LRRC3B: variants seen among roughly 807,000 people sequenced by gnomAD.
LRRC3B encodes leucine-rich repeat-containing protein 3B.
Under a neutral mutation model 12.8 loss-of-function variants are expected in LRRC3B, and 2 were observed. The ratio of observed to expected loss-of-function variants is 0.16; its 90% CI spans 0.06 to 0.49. The LOEUF (loss-of-function observed/expected upper bound fraction) is 0.49. Ranked by LOEUF, LRRC3B falls within the 20% of genes least tolerant of loss-of-function variation. LRRC3B has a pLI of 0.96. For missense variants in LRRC3B, 189 were observed against 319.4 expected, an observed-to-expected ratio of 0.59 and a Z score of 3.11; for synonymous variants, 132 against 122.0, an observed-to-expected ratio of 1.08 and a Z score of -0.54.
At chr3:26,657,761 A>C (rs1699405504) in intron 1 of LRRC3B, among the ~76,000 whole-genome samples, 1 of 151,810 alleles carries the variant, frequency 6.6e-6, no homozygotes, top group African/African-American at 2.4e-5. Flanking sequence ...CAGAGGGATG[A>C]TTGTCTGGCT....
In LRRC3B at chr3:26,675,425, C is replaced by T. The variant is rs571986214; in HGVS notation, c.-160-34088C>T. ...CACTGTGCCAACTACCCACTGTCTT[C>T]CTGGTGCTCCAGAGAGTGAGAATGT... On this transcript the variant is annotated intron_variant, in intron 1 of 1. Transcript: ENST00000396641. 3.9e-5 allele frequency among the ~76,000 whole-genome samples: 6 copies of T among 152,314 alleles called. No individual in the cohort carries two copies. In the East Asian group the frequency reaches 1.2e-3, roughly 29 times the overall value.
chr3:26,647,685 A>G (rs763408530), intron 1 of LRRC3B, among the ~76,000 whole-genome samples: 41 of 152,198 alleles, frequency 2.7e-4, no homozygotes, highest in Non-Finnish European at 5.9e-4. Context: ...AACGCCTGAT[A>G]CAGCTCATTG....
chr3:26,629,441 CCT>C (rs1553600828), intron 1 of LRRC3B, among the ~76,000 whole-genome samples: 14 of 152,200 alleles, frequency 9.2e-5, no homozygotes, highest in Non-Finnish European at 1.5e-5. Flanking sequence ...ATGGCTTTCC[CCT>C]GAGTCTTCTA....
chr3:26,632,099 A>G (rs1171347023), intron 1 of LRRC3B, among the ~76,000 whole-genome samples: 1 of 152,216 alleles, frequency 6.6e-6, no homozygotes, highest in African/African-American at 2.4e-5. Flanking sequence ...CAATAAAAGG[A>G]TGAGGGGGAG....
chr3:26,639,301 T>C (rs1698969678), intron 1 of LRRC3B, among the ~76,000 whole-genome samples: 1 of 152,152 alleles, frequency 6.6e-6, no homozygotes, highest in African/African-American at 2.4e-5. Context: ...GACTAAGTCT[T>C]TGAGATCTGG....
intron 1 of LRRC3B, among the ~76,000 whole-genome samples, chr3:26,688,080 A>T (rs1265790592): frequency 6.6e-6 from 1 of 152,248 alleles, no homozygotes. Flanking sequence ...ATGGGAGGAC[A>T]TAACATGGAA....
intron 1 of LRRC3B, among the ~76,000 whole-genome samples, chr3:26,674,037 A>AACTT (rs1419657440): frequency 6.6e-6 from 1 of 152,246 alleles, no homozygotes; most frequent in Non-Finnish European, 1.5e-5. Context: ...GAACTAAGTC[A>AACTT]ACTTTGTGAT....
At chr3:26,659,430 C>T (rs1699446892) in intron 1 of LRRC3B, among the ~76,000 whole-genome samples, 1 of 152,188 alleles carries the variant, frequency 6.6e-6, no homozygotes, top group African/African-American at 2.4e-5. Flanking sequence ...CTAAGATGCC[C>T]TGGCAACCTC....
At chr3:26,668,265 A>T (rs1282151210) in intron 1 of LRRC3B, among the ~76,000 whole-genome samples, 2 of 152,148 alleles carry the variant, frequency 1.3e-5, no homozygotes, top group Non-Finnish European at 2.9e-5. Flanking sequence ...AGCAAGCAAG[A>T]AAGCTATGAG....
intron 1 of LRRC3B, among the ~76,000 whole-genome samples, chr3:26,626,302 G>A (rs1347307658): frequency 6.6e-6 from 1 of 152,196 alleles, no homozygotes; most frequent in Non-Finnish European, 1.5e-5. Context: ...TGGAAGGAGG[G>A]ATCCAAATAT....
chr3:26,701,249 A>G (rs1029816983), intron 1 of LRRC3B: 2 of 152,074 alleles, frequency 1.3e-5, no homozygotes, highest in Non-Finnish European at 2.9e-5. Flanking sequence ...AGGATTTAGT[A>G]AGTGGCTTGA....
intron 1 of LRRC3B, among the ~76,000 whole-genome samples, chr3:26,694,225 A>G (rs1035991345): frequency 1.3e-5 from 2 of 152,228 alleles, no homozygotes; most frequent in Non-Finnish European, 2.9e-5. Context: ...GTATTAATTT[A>G]TCAATAGCAA....
At position 26,691,580 on chromosome 3, in the gene LRRC3B, A is replaced by C. The variant is rs536029211; in HGVS notation, c.-160-17933A>C. On this transcript the variant is annotated intron_variant, in intron 1 of 1. Coordinates refer to ENST00000396641, the Ensembl canonical transcript of LRRC3B. ...TTGTGTGAAAATAACTTCTCCATCCATTTCTAATTGAAATCAGCATCCAGG... is the reference window on the plus strand; with the variant it reads ...TTGTGTGAAAATAACTTCTCCATCCCTTTCTAATTGAAATCAGCATCCAGG... Among the ~76,000 whole-genome samples the C allele has an allele frequency of 2.0e-5, 3 of 152,314 alleles. No individual in the cohort carries two copies. In the South Asian group the frequency reaches 6.2e-4, roughly 32 times the overall value.
intron 1 of LRRC3B, among the ~76,000 whole-genome samples, chr3:26,672,899 C>T (rs1699780229): frequency 6.6e-6 from 1 of 152,102 alleles, no homozygotes; most frequent in South Asian, 2.1e-4. Flanking sequence ...AACATTCCAC[C>T]AGATCAGCTG....
chr3:26,688,501 A>G (rs1700130343), intron 1 of LRRC3B, among the ~76,000 whole-genome samples: 1 of 152,216 alleles, frequency 6.6e-6, no homozygotes, highest in African/African-American at 2.4e-5. Context: ...TACAGGAAGC[A>G]TGATGCTGGC....
chr3:26,642,838 G>A (rs990537290), intron 1 of LRRC3B, among the ~76,000 whole-genome samples: 3 of 152,102 alleles, frequency 2.0e-5, no homozygotes, highest in Non-Finnish European at 4.4e-5. Context: ...CTAACATGGT[G>A]AAAGCCTGTC....
At chr3:26,635,596 C>A (rs775601306) in intron 1 of LRRC3B, among the ~76,000 whole-genome samples, 1 of 152,208 alleles carries the variant, frequency 6.6e-6, no homozygotes. Flanking sequence ...AGGCATCAAC[C>A]CTGCTGGTAT....
chr3:26,677,629 G>A (rs1048328915), intron 1 of LRRC3B, among the ~76,000 whole-genome samples: 1 of 152,218 alleles, frequency 6.6e-6, no homozygotes, highest in Admixed American at 6.5e-5. Context: ...TTTAGAGCAT[G>A]TTAGGACAAT....
At chr3:26,657,202 C>G (rs1575133562) in intron 1 of LRRC3B, among the ~76,000 whole-genome samples, 1 of 152,266 alleles carries the variant, frequency 6.6e-6, no homozygotes, top group South Asian at 2.1e-4. Flanking sequence ...CAGCTTTTCC[C>G]TGAATGAAAT....
Sources: gnomAD v4.1 joint callset for allele counts (sites outside exome capture counted in the v4.1 genomes callset) on GRCh38, gnomAD v4.1.1 for gene constraint, MANE v1.5 for transcripts, NCBI Gene and HGNC (gene_info 2026-07-23, HGNC 2026-07-21) for gene names.